Variants in ARHGAP10 observed in about 807,000 individuals in gnomAD.
ARHGAP10 encodes the protein rho GTPase-activating protein 10.
In ARHGAP10, 87 loss-of-function variants were observed where a neutral mutation model predicts 108.6. The ratio of observed to expected loss-of-function variants is 0.80; its 90% CI spans 0.67 to 0.96. ARHGAP10 has a LOEUF of 0.96. Among genes scored for constraint, ARHGAP10 ranks in the 40% least tolerant of loss-of-function variants. The pLI, the probability that ARHGAP10 is intolerant of heterozygous loss-of-function variation, is 0.00. For missense variants in ARHGAP10, 939 were observed against 954.5 expected, an observed-to-expected ratio of 0.98 and a Z score of 0.21; for synonymous variants, 347 against 341.1, an observed-to-expected ratio of 1.02 and a Z score of -0.19.
intron 9 of ARHGAP10, among the ~76,000 whole-genome samples, chr4:147,881,290 T>G (rs1735317968): frequency 6.6e-6 from 1 of 150,936 alleles, no homozygotes; most frequent in African/African-American, 2.4e-5. Context: ...AAAGTAACAT[T>G]GGTATTGTCT....
chr4:147,748,921 TG>T (rs1729039113), intron 1 of ARHGAP10, among the ~76,000 whole-genome samples: 1 of 152,174 alleles, frequency 6.6e-6, no homozygotes, highest in African/African-American at 2.4e-5. Context: ...ATCATGCCAC[TG>T]TATTCCAGCC....
chr4:147,807,797 A>C (rs1380933454), intron 1 of ARHGAP10, among the ~76,000 whole-genome samples: 2 of 152,212 alleles, frequency 1.3e-5, no homozygotes, highest in Non-Finnish European at 2.9e-5. Context: ...AATGAACCCC[A>C]TATCACTTGG....
At chr4:147,964,667 G>T (rs952546479) in intron 16 of ARHGAP10, among the ~76,000 whole-genome samples, 2 of 152,118 alleles carry the variant, frequency 1.3e-5, no homozygotes, top group African/African-American at 2.4e-5. Context: ...TTCCATTGTG[G>T]CGTGACCCAG....
At chr4:148,054,865 G>T (rs1729294379) in intron 20 of ARHGAP10, among the ~76,000 whole-genome samples, 2 of 152,208 alleles carry the variant, frequency 1.3e-5, no homozygotes, top group Non-Finnish European at 2.9e-5. Context: ...ATTTTTCTGA[G>T]CGGAGTATCT....
intron 10 of ARHGAP10, among the ~76,000 whole-genome samples, chr4:147,904,371 A>G (rs1211525553): frequency 6.6e-6 from 1 of 151,888 alleles, no homozygotes; most frequent in African/African-American, 2.4e-5. Context: ...TCCTAATGCT[A>G]TCCCTCCCCC....
At chr4:147,824,749 C>G (rs1183408237) in intron 3 of ARHGAP10, among the ~76,000 whole-genome samples, 4 of 151,898 alleles carry the variant, frequency 2.6e-5, no homozygotes, top group African/African-American at 4.9e-5. Context: ...AAGCCACCCC[C>G]ATGATCCAAT....
At chr4:147,733,381 T>A (rs968032880) in intron 1 of ARHGAP10, among the ~76,000 whole-genome samples, 4 of 152,148 alleles carry the variant, frequency 2.6e-5, no homozygotes, top group African/African-American at 9.7e-5. Context: ...ATCCCTTGGA[T>A]CCATAACCCC....
intron 1 of ARHGAP10, among the ~76,000 whole-genome samples, chr4:147,765,206 A>G (rs191722895): frequency 1.3e-4 from 20 of 152,262 alleles, no homozygotes; most frequent in Admixed American, 1.1e-3. Context: ...GAGTCATTTA[A>G]GATCTATTTA....
At chr4:147,732,551 AG>A in intron 1 of ARHGAP10, 96 bp downstream of exon 1, 1 of 1,517,052 alleles carries the variant, frequency 6.6e-7, no homozygotes, top group Non-Finnish European at 9.0e-7. Flanking sequence ...GTCCGGGGCC[AG>A]CAGCCAGAGG....
chr4:147,935,722 T>G (rs928661996), intron 13 of ARHGAP10, among the ~76,000 whole-genome samples: 2 of 152,238 alleles, frequency 1.3e-5, no homozygotes, highest in African/African-American at 4.8e-5. Flanking sequence ...GTTCCAGCTC[T>G]CATTTAGTTC....
chr4:147,917,073 T>G (rs1578686281), intron 13 of ARHGAP10: 1 of 152,358 alleles, frequency 6.6e-6, no homozygotes, highest in East Asian at 1.9e-4. Context: ...AGAAATTGAT[T>G]GTTCCTGTGT....
In ARHGAP10 at chr4:147,925,490, T is replaced by C. The variant is rs530969263; in HGVS notation, c.1228+12351T>C. ...AACCTGAGCTACATGAGTGATGAGC[T>C]TGAAAATTTATTTAGCTGTCCCATC... On this transcript the variant is annotated intron_variant, in intron 13 of 22. Coordinates refer to ENST00000336498, the MANE Select transcript of ARHGAP10 (RefSeq NM_024605.4). 6.8e-4 allele frequency among the ~76,000 whole-genome samples: 104 copies of C among 152,344 alleles called. 2 individuals carry two copies. The highest frequency in any genetic ancestry group is 3.4e-3 in the Middle Eastern group (1 of 294).
intron 1 of ARHGAP10, among the ~76,000 whole-genome samples, chr4:147,733,873 GT>G (rs915949632): frequency 1.3e-5 from 2 of 151,964 alleles, no homozygotes; most frequent in East Asian, 1.9e-4. Context: ...CTCACTTAGG[GT>G]TTTTTTGTTT....
intron 1 of ARHGAP10, among the ~76,000 whole-genome samples, chr4:147,734,942 G>C (rs1728359345): frequency 6.6e-6 from 1 of 152,134 alleles, no homozygotes; most frequent in South Asian, 2.1e-4. Context: ...AGCATTTCGA[G>C]AAGTGTGTAT....
At chr4:147,794,908 A>ACATGTTAT (rs1560762400) in intron 1 of ARHGAP10, among the ~76,000 whole-genome samples, 1 of 152,242 alleles carries the variant, frequency 6.6e-6, no homozygotes, top group African/African-American at 2.4e-5. Flanking sequence ...GTGGTTTCCA[A>ACATGTTAT]CATGTTATCA....
intron 14 of ARHGAP10, among the ~76,000 whole-genome samples, chr4:147,945,490 A>C (rs1452689642): frequency 1.3e-5 from 2 of 152,220 alleles, no homozygotes; most frequent in African/African-American, 4.8e-5. Context: ...TGTTGAACAG[A>C]GGCTTCCAAT....
At chr4:147,888,530 C>T (rs115282357) in intron 10 of ARHGAP10, among the ~76,000 whole-genome samples, 2,388 of 152,202 alleles carry the variant, frequency 0.016, 57 homozygotes, top group African/African-American at 0.052. Flanking sequence ...TCTTAAAAGT[C>T]ATACATGCTT....
At chr4:147,869,078 A>G (rs975816327) in intron 7 of ARHGAP10, among the ~76,000 whole-genome samples, 1 of 152,204 alleles carries the variant, frequency 6.6e-6, no homozygotes, top group African/African-American at 2.4e-5. Flanking sequence ...GACTGTATAT[A>G]CAACTTCTAG....
chr4:147,924,038 C>T (rs1003302089), intron 13 of ARHGAP10, among the ~76,000 whole-genome samples: 2 of 152,154 alleles, frequency 1.3e-5, no homozygotes, highest in Admixed American at 6.5e-5. Flanking sequence ...AAATAGAGGA[C>T]AGTCTTCTGT....
Sources: gnomAD v4.1 joint callset for allele counts (sites outside exome capture counted in the v4.1 genomes callset) on GRCh38, gnomAD v4.1.1 for gene constraint, MANE v1.5 for transcripts, NCBI Gene and HGNC (gene_info 2026-07-23, HGNC 2026-07-21) for gene names.